GRIK1: variants seen among roughly 807,000 people sequenced by gnomAD.
The protein encoded by GRIK1 is glutamate receptor ionotropic, kainate 1.
Under a neutral mutation model 105.7 loss-of-function variants are expected in GRIK1, and 69 were observed. The ratio of observed to expected loss-of-function variants is 0.65; its 90% CI spans 0.54 to 0.80. The LOEUF (loss-of-function observed/expected upper bound fraction) is 0.80. GRIK1 is among the 30% of genes least tolerant of loss of function. GRIK1 has a pLI of 0.00. For synonymous variants in GRIK1, 438 were observed against 431.3 expected (o/e 1.02, Z -0.19); for missense variants, 1,109 against 1,167.3 (o/e 0.95, Z 0.73).
chr21:29,563,116 A>G (rs1013165436), intron 14 of GRIK1, among the ~76,000 whole-genome samples: 1 of 152,170 alleles, frequency 6.6e-6, no homozygotes, highest in Non-Finnish European at 1.5e-5. Flanking sequence ...CAGTTATCAC[A>G]GTTATATATA....
chr21:29,684,632 C>T (rs1407129084), intron 3 of GRIK1, among the ~76,000 whole-genome samples: 2 of 152,108 alleles, frequency 1.3e-5, no homozygotes, highest in Non-Finnish European at 2.9e-5. Context: ...CTCAGCCTCC[C>T]GAGTAGTTGG....
chr21:29,835,226 C>T (rs1448809638), intron 1 of GRIK1, among the ~76,000 whole-genome samples: 1 of 152,146 alleles, frequency 6.6e-6, no homozygotes, highest in East Asian at 1.9e-4. Flanking sequence ...GACTTACCTA[C>T]CCTACTAGCC....
chr21:29,676,047 C>A (rs1329742951), intron 3 of GRIK1, among the ~76,000 whole-genome samples: 3 of 152,138 alleles, frequency 2.0e-5, no homozygotes, highest in Non-Finnish European at 4.4e-5. Flanking sequence ...CGTTAATAAA[C>A]ACACACCCCC....
chr21:29,600,565 A>T (rs972069028), intron 7 of GRIK1, among the ~76,000 whole-genome samples: 2 of 152,192 alleles, frequency 1.3e-5, no homozygotes, highest in African/African-American at 4.8e-5. Context: ...AGACATGCAT[A>T]AAATGGGAAG....
Position 29,848,779 on chromosome 21 carries a change from A to ATATATTTTT in GRIK1, c.118+90603_118+90604insAAAAATATA. The stretch of plus-strand genomic sequence containing the variant: ...TGTATATATATATATATATATATAT[A>ATATATTTTT]TTTTTTTTTTTTTCCACGATCTTCA... On this transcript the variant is annotated intron_variant, in intron 1 of 17. Transcript: ENST00000327783. Among the ~76,000 whole-genome samples the ATATATTTTT allele has an allele frequency of 2.4e-3, 190 of 77,858 alleles. 1 individual carries two copies. The highest frequency in any genetic ancestry group is 4.3e-3 in the South Asian group (8 of 1,868). 51.1% of individuals were successfully genotyped at this position (77,858 alleles called of 152,430 possible). A position where few individuals can be genotyped will look rare whatever the true frequency, so the allele number is the denominator to read the frequency against.
chr21:29,731,702 G>C (rs1240740804), intron 1 of GRIK1, among the ~76,000 whole-genome samples: 1 of 152,116 alleles, frequency 6.6e-6, no homozygotes, highest in Non-Finnish European at 1.5e-5. Flanking sequence ...ATTAGAACAC[G>C]AACCAGATGA....
chr21:29,657,926 A>C (rs1297248919), intron 4 of GRIK1: 1 of 152,252 alleles, frequency 6.6e-6, no homozygotes, highest in Non-Finnish European at 1.5e-5. Flanking sequence ...TTTAAAAATA[A>C]AAAGTGTAAT....
chr21:29,791,365 AG>A (rs2066409105), intron 1 of GRIK1, among the ~76,000 whole-genome samples: 2 of 152,134 alleles, frequency 1.3e-5, no homozygotes, highest in Non-Finnish European at 2.9e-5. Flanking sequence ...TGAAGCCTGG[AG>A]AAAGAACAGT....
chr21:29,728,035 AC>A (rs1378329984), intron 1 of GRIK1, among the ~76,000 whole-genome samples: 4 of 152,154 alleles, frequency 2.6e-5, no homozygotes, highest in African/African-American at 9.7e-5. Flanking sequence ...GATGAAGCCC[AC>A]CCACATTGAG....
chr21:29,724,115 A>G (rs2146869280), intron 1 of GRIK1, among the ~76,000 whole-genome samples: 1 of 152,370 alleles, frequency 6.6e-6, no homozygotes, highest in Non-Finnish European at 1.5e-5. Flanking sequence ...AGAAGAAGAC[A>G]GCTTTAATAT....
At chr21:29,598,793 A>G (rs774642116) in intron 8 of GRIK1, 37 bp downstream of exon 8, 1 of 932,014 alleles carries the variant, frequency 1.1e-6, no homozygotes, top group South Asian at 1.5e-5. Flanking sequence ...AACAATGTTC[A>G]TTTGTTATTT....
intron 1 of GRIK1, among the ~76,000 whole-genome samples, chr21:29,897,387 C>A (rs1046108650): frequency 1.3e-5 from 2 of 152,080 alleles, no homozygotes. Context: ...AAAAGCATGG[C>A]AGAGAATTCA....
chr21:29,766,103 C>A (rs1277206777), intron 1 of GRIK1, among the ~76,000 whole-genome samples: 3 of 152,056 alleles, frequency 2.0e-5, no homozygotes, highest in Non-Finnish European at 2.9e-5. Flanking sequence ...GCCGCCTTGG[C>A]CTCCAAAAGT....
At chr21:29,569,422 A>G (rs1286176724) in intron 14 of GRIK1, among the ~76,000 whole-genome samples, 1 of 152,198 alleles carries the variant, frequency 6.6e-6, no homozygotes, top group Non-Finnish European at 1.5e-5. Flanking sequence ...AGGTACAGAG[A>G]GTTTAAGTTA....
At chr21:29,808,435 G>T (rs901628295) in intron 1 of GRIK1, among the ~76,000 whole-genome samples, 1 of 152,176 alleles carries the variant, frequency 6.6e-6, no homozygotes, top group African/African-American at 2.4e-5. Context: ...CATCAAGACT[G>T]TAACTTGTCA....
intron 6 of GRIK1, among the ~76,000 whole-genome samples, chr21:29,643,859 A>T (rs192383823): frequency 6.6e-6 from 1 of 152,256 alleles, no homozygotes; most frequent in Admixed American, 6.5e-5. Flanking sequence ...GCTATTTATT[A>T]TGTGAGAAAA....
chr21:29,566,550 A>G (rs933496614), intron 14 of GRIK1, among the ~76,000 whole-genome samples: 4 of 152,210 alleles, frequency 2.6e-5, no homozygotes, highest in Non-Finnish European at 5.9e-5. Flanking sequence ...ATGTTTGATG[A>G]ACATTATTTA....
At chr21:29,809,559 C>A (rs1414264308) in intron 1 of GRIK1, among the ~76,000 whole-genome samples, 8 of 152,134 alleles carry the variant, frequency 5.3e-5, no homozygotes, top group Non-Finnish European at 1.0e-4. Flanking sequence ...GAGCTTCTAT[C>A]CAGACCACTA....
At chr21:29,718,671 C>T (rs113567074) in intron 1 of GRIK1, among the ~76,000 whole-genome samples, 11 of 152,288 alleles carry the variant, frequency 7.2e-5, no homozygotes, top group African/African-American at 9.6e-5. Flanking sequence ...GCTTGGAAAG[C>T]GGCAGGTGCA....
Sources: allele counts gnomAD v4.1 joint callset (sites outside exome capture counted in the v4.1 genomes callset), GRCh38; gene constraint gnomAD v4.1.1; transcripts MANE v1.5; gene names NCBI Gene and HGNC (gene_info 2026-07-23, HGNC 2026-07-21).